Variants in SLC5A3 observed in about 807,000 individuals in gnomAD.
The protein encoded by SLC5A3 is solute carrier family 5 member 3.
In SLC5A3, 10 loss-of-function variants were observed where a neutral mutation model predicts 43.2. The observed-to-expected ratio is 0.23, with a 90% CI of 0.14 to 0.39. SLC5A3 has a LOEUF of 0.39. SLC5A3 is among the 10% of genes least tolerant of loss of function. The pLI, the probability that SLC5A3 is intolerant of heterozygous loss-of-function variation, is 1.00. For synonymous variants in SLC5A3, 349 were observed against 322.0 expected, an observed-to-expected ratio of 1.08 and a Z score of -0.90; for missense variants, 608 against 893.4, an observed-to-expected ratio of 0.68 and a Z score of 4.07.
intron 1 of SLC5A3, among the ~76,000 whole-genome samples, chr21:34,075,689 A>G (rs1335520600): frequency 1.3e-5 from 2 of 152,220 alleles, no homozygotes; most frequent in African/African-American, 2.4e-5. Context: ...TCCTTGACCT[A>G]AATAAAGTAA....
In SLC5A3 at chr21:34,101,433, G is replaced by A; in HGVS notation, c.*4078G>A. ...GAGGCTTCAGTATTTGTAAGATTTT[G>A]CATTAGCCAGATGCTAGGTTGTTGA... On this transcript the variant is annotated 3_prime_UTR_variant, in exon 2 of 2. Transcript: ENST00000381151. 1 of 1,000,150 alleles carries A rather than the reference G, an allele frequency of 1.0e-6. No homozygotes were observed. Among genetic ancestry groups the A allele is most frequent in the Non-Finnish European group, 1.2e-6 (1 of 829,926 alleles). The allele number at this position is 1,000,150 out of a possible 1,614,324, so 62.0% of individuals were successfully genotyped here.
In SLC5A3 at chr21:34,099,458, T is replaced by C; in HGVS notation, c.*2103T>C. ...TTTGGTGTTTGGGAAAGTAATAAGA[T>C]CTTGGATTTTTCAAATTAACATTAA... On this transcript the variant is annotated 3_prime_UTR_variant, in exon 2 of 2. Coordinates refer to ENST00000381151, the MANE Select transcript of SLC5A3 (RefSeq NM_006933.7). 1 of 1,000,108 alleles carries C rather than the reference T, an allele frequency of 1.0e-6. No homozygotes were observed. The highest frequency in any genetic ancestry group is 1.2e-6 in the Non-Finnish European group (1 of 829,908). The allele number at this position is 1,000,108 out of a possible 1,614,324, so 62.0% of individuals were successfully genotyped here. A position where few individuals can be genotyped will look rare whatever the true frequency, so the allele number is the denominator to read the frequency against.
At chr21:34,091,695 A>G (rs1348245223) in intron 1 of SLC5A3, among the ~76,000 whole-genome samples, 2 of 152,226 alleles carry the variant, frequency 1.3e-5, no homozygotes, top group East Asian at 1.9e-4. Context: ...GTGCAAAACA[A>G]TAAAATACTA....
At position 34,105,608 on chromosome 21, in the gene SLC5A3, T is replaced by C. The variant is rs926986794; in HGVS notation, c.*8253T>C. The stretch of plus-strand genomic sequence containing the variant: ...CCAGTTAGTACACTGGGGGTGTATA[T>C]TGTGTACATGTGTCATTTTAGTTAG... On this transcript the variant is annotated 3_prime_UTR_variant, in exon 2 of 2. Transcript: ENST00000381151. The C allele has an allele frequency of 2.0e-6, 2 of 1,000,012 alleles. No individual in the cohort carries two copies. Among genetic ancestry groups the C allele is most frequent in the East Asian group, 2.3e-4 (2 of 8,828 alleles). The allele number at this position is 1,000,012 out of a possible 1,614,324, so 61.9% of individuals were successfully genotyped here.
chr21:34,076,060 T>C (rs1042207242), intron 1 of SLC5A3, among the ~76,000 whole-genome samples: 1 of 152,200 alleles, frequency 6.6e-6, no homozygotes, highest in African/African-American at 2.4e-5. Context: ...ACCCCTTTAA[T>C]ATGATGTATT....
At position 34,088,217 on chromosome 21, in the gene SLC5A3, G is replaced by A. The variant is rs1602917403; in HGVS notation, c.-336-6646G>A. Among the ~76,000 whole-genome samples, 4 of 134,828 alleles carry A rather than the reference G, an allele frequency of 3.0e-5. No individual in the cohort carries two copies. In the South Asian group the frequency reaches 1.1e-3, roughly 36 times the overall value. 88.5% of individuals were successfully genotyped at this position (134,828 alleles called of 152,430 possible). A position where few individuals can be genotyped will look rare whatever the true frequency, so the allele number is the denominator to read the frequency against. Reference sequence around the variant, plus strand: ...CTTAGATAGAATCTATAGCTGTGATGACTGGGTCAAGTATAGAATACACTT... The same window carrying A: ...CTTAGATAGAATCTATAGCTGTGATAACTGGGTCAAGTATAGAATACACTT... On this transcript the variant is annotated intron_variant, in intron 1 of 1. Transcript: ENST00000381151.
At chr21:34,080,667 C>T (rs1188370066) in intron 1 of SLC5A3, among the ~76,000 whole-genome samples, 2 of 152,182 alleles carry the variant, frequency 1.3e-5, no homozygotes, top group African/African-American at 4.8e-5. Flanking sequence ...TCACTTTCTA[C>T]TTTGTATTAC....
rs934116245 is a variant in SLC5A3 at position 34,103,155 on chromosome 21, A to G, written c.*5800A>G. The G allele has an allele frequency of 5.0e-6, 5 of 999,686 alleles. No homozygotes were observed. The highest frequency in any genetic ancestry group is 6.0e-6 in the Non-Finnish European group (5 of 829,496). The allele number at this position is 999,686 out of a possible 1,614,324, so 61.9% of individuals were successfully genotyped here. A position where few individuals can be genotyped will look rare whatever the true frequency, so the allele number is the denominator to read the frequency against. On this transcript the variant is annotated 3_prime_UTR_variant, in exon 2 of 2. Coordinates refer to ENST00000381151, the MANE Select transcript of SLC5A3 (RefSeq NM_006933.7). Reference sequence around the variant, plus strand: ...ATCCCAAACTGGCAAAGGCCAGTATATATGGTATTCCATAATATAACCAGC... The same window carrying G: ...ATCCCAAACTGGCAAAGGCCAGTATGTATGGTATTCCATAATATAACCAGC...
At chr21:34,092,386 G>C (rs1409659073) in intron 1 of SLC5A3, among the ~76,000 whole-genome samples, 2 of 152,150 alleles carry the variant, frequency 1.3e-5, no homozygotes. Flanking sequence ...CCACAGAGTG[G>C]TATGGTATCC....
At chr21:34,077,873 T>A (rs1226538835) in intron 1 of SLC5A3, among the ~76,000 whole-genome samples, 1 of 152,202 alleles carries the variant, frequency 6.6e-6, no homozygotes, top group Non-Finnish European at 1.5e-5. Flanking sequence ...AATGCAAGCC[T>A]TTTTTGATTA....
intron 1 of SLC5A3, among the ~76,000 whole-genome samples, chr21:34,085,600 CT>C (rs56135810): frequency 0.066 from 8,603 of 130,120 alleles, 178 homozygotes; most frequent in Middle Eastern, 0.16. Flanking sequence ...GAAATAAGGA[CT>C]TTTTTTTTTT....
At chr21:34,085,849 G>A (rs1020652207) in intron 1 of SLC5A3, among the ~76,000 whole-genome samples, 5 of 152,074 alleles carry the variant, frequency 3.3e-5, no homozygotes, top group Non-Finnish European at 7.4e-5. Context: ...TGATTCACCC[G>A]CCTCGGCCTC....
Position 34,095,358 on chromosome 21 carries a change from T to C in SLC5A3, c.160T>C (p.Ser54Pro). The C allele has an allele frequency of 6.2e-7, 1 of 1,614,136 alleles. No individual in the cohort carries two copies. The highest frequency in any genetic ancestry group is 8.5e-7 in the Non-Finnish European group (1 of 1,179,988). ...TATGACCTGGGTAGCAATTGGTGCC[T>C]CTCTGTTTGTGAGCAATATTGGGAG... ...RSMTWVAIGA[S>P]LFVSNIGSEH... Residue 54 changes from serine to proline, a missense_variant, in exon 2 of 2, where the codon TCT becomes CCT. Transcript: ENST00000381151.
At chr21:34,090,294 A>G (rs16991185) in intron 1 of SLC5A3, among the ~76,000 whole-genome samples, 1,760 of 152,332 alleles carry the variant, frequency 0.012, 38 homozygotes, top group South Asian at 0.081. Flanking sequence ...GGACAGTCCT[A>G]TGTGAGTACA....
At chr21:34,080,015 C>G (rs930304644) in intron 1 of SLC5A3, among the ~76,000 whole-genome samples, 1 of 152,190 alleles carries the variant, frequency 6.6e-6, no homozygotes, top group African/African-American at 2.4e-5. Context: ...GCCATATAGT[C>G]TTCTCTGCCC....
chr21:34,099,424 G>A lies in SLC5A3; in HGVS notation c.*2069G>A. ...TTTCAAAGGAACTGTTCTTCCTTTG[G>A]GACAACCTTTTGGTGTTTGGGAAAG... On this transcript the variant is annotated 3_prime_UTR_variant, in exon 2 of 2. Coordinates refer to ENST00000381151, the MANE Select transcript of SLC5A3 (RefSeq NM_006933.7). The A allele has an allele frequency of 3.0e-6, 3 of 999,862 alleles. No homozygotes were observed. The highest frequency in any genetic ancestry group is 4.7e-5 in the South Asian group (1 of 21,280). 61.9% of individuals were successfully genotyped at this position (999,862 alleles called of 1,614,324 possible).
At position 34,105,301 on chromosome 21, in the gene SLC5A3, T is replaced by C; in HGVS notation, c.*7946T>C. On this transcript the variant is annotated 3_prime_UTR_variant, in exon 2 of 2. Coordinates refer to ENST00000381151, the MANE Select transcript of SLC5A3 (RefSeq NM_006933.7). Reference sequence around the variant, plus strand: ...GTATGAACTGTGTTATACTTCTCAGTGCTTTCTTTTTTCTTTTTGATAAGA... The same window carrying C: ...GTATGAACTGTGTTATACTTCTCAGCGCTTTCTTTTTTCTTTTTGATAAGA... 3 of 1,000,048 alleles carry C rather than the reference T, an allele frequency of 3.0e-6. No homozygotes were observed. In the South Asian group the frequency reaches 1.4e-4, roughly 47 times the overall value. 61.9% of individuals were successfully genotyped at this position (1,000,048 alleles called of 1,614,324 possible). A position where few individuals can be genotyped will look rare whatever the true frequency, so the allele number is the denominator to read the frequency against.
intron 1 of SLC5A3, among the ~76,000 whole-genome samples, chr21:34,087,724 A>G (rs994643814): frequency 6.6e-6 from 1 of 152,214 alleles, no homozygotes; most frequent in African/African-American, 2.4e-5. Context: ...TTGTGATGAA[A>G]GGGTTGACTG....
Position 34,087,782 on chromosome 21 carries a change from A to G in SLC5A3, c.-336-7081A>G, listed in dbSNP as rs571951022. ...GTGGGCCAAGGGCAGAAGCATGGAGACAAGAGGCTGGGACAGTGATCTGGA... is the reference window on the plus strand; with the variant it reads ...GTGGGCCAAGGGCAGAAGCATGGAGGCAAGAGGCTGGGACAGTGATCTGGA... On this transcript the variant is annotated intron_variant, in intron 1 of 1. Transcript: ENST00000381151. 3.9e-5 allele frequency among the ~76,000 whole-genome samples: 6 copies of G among 152,330 alleles called. No individual in the cohort carries two copies. In the East Asian group the frequency reaches 1.2e-3, roughly 29 times the overall value.
Sources: allele counts gnomAD v4.1 joint callset (sites outside exome capture counted in the v4.1 genomes callset), GRCh38; gene constraint gnomAD v4.1.1; transcripts MANE v1.5; gene names NCBI Gene and HGNC (gene_info 2026-07-23, HGNC 2026-07-21).